The following COG7 variants were observed in gnomAD, a reference collection of about 807,000 sequenced individuals.
COG7 encodes conserved oligomeric Golgi complex subunit 7.
In COG7, 49 loss-of-function variants were observed where a neutral mutation model predicts 91.5. The observed-to-expected ratio is 0.54, with a 90% CI of 0.43 to 0.68. The LOEUF (loss-of-function observed/expected upper bound fraction) is 0.68, where lower values mean the gene tolerates loss of function less well. Ranked by LOEUF, COG7 falls within the 30% of genes least tolerant of loss-of-function variation. The pLI, the probability that COG7 is intolerant of heterozygous loss-of-function variation, is 0.00. For synonymous variants in COG7, 365 were observed against 388.7 expected, an observed-to-expected ratio of 0.94 and a Z score of 0.72; for missense variants, 895 against 961.3, an observed-to-expected ratio of 0.93 and a Z score of 0.91.
intron 8 of COG7, among the ~76,000 whole-genome samples, chr16:23,418,097 T>C (rs947876718): frequency 2.6e-5 from 4 of 152,248 alleles, no homozygotes; most frequent in Admixed American, 6.5e-5. Context: ...TTTGCATGTC[T>C]TCCTTAAACA....
At chr16:23,410,527 C>T (rs1034426957) in intron 10 of COG7, among the ~76,000 whole-genome samples, 167 bp from the exon 11 acceptor site, 1 of 152,118 alleles carries the variant, frequency 6.6e-6, no homozygotes, top group Non-Finnish European at 1.5e-5. Context: ...ATTCATTAGT[C>T]ATTAATGTAA....
chr16:23,451,692 T>C (rs1370239050), intron 1 of COG7, among the ~76,000 whole-genome samples: 1 of 147,480 alleles, frequency 6.8e-6, no homozygotes, highest in Non-Finnish European at 1.5e-5. Flanking sequence ...GCATTCCAGC[T>C]TGGGCAGCAG....
At chr16:23,402,997 CTGGAATCCA>C (rs1963402649) in intron 13 of COG7, among the ~76,000 whole-genome samples, 1 of 152,228 alleles carries the variant, frequency 6.6e-6, no homozygotes, top group African/African-American at 2.4e-5. Flanking sequence ...AGGCCCATAA[CTGGAATCCA>C]AATGGCCCTG....
At position 23,410,299 on chromosome 16, in the gene COG7, T is replaced by A; in HGVS notation, c.1471A>T (p.Asn491Tyr). ...HCGDFEQQLA[N>Y]RILSTAGKYL... ...ACAATGACTCCTCTCTCCTACCTGT[T>A]GGCTAGCTGCTGCTCGAAGTCCCCA... Residue 491 changes from asparagine to tyrosine, a missense_variant, in exon 11 of 17, where the codon AAC (asparagine) becomes TAC (tyrosine). By Grantham distance (143) the Asn-to-Tyr change is moderately radical. Coordinates refer to ENST00000307149, the MANE Select transcript of COG7 (RefSeq NM_153603.4). 6.2e-7 allele frequency: 1 copy of A among 1,613,946 alleles called. No homozygotes were observed. The highest frequency in any genetic ancestry group is 1.1e-5 in the South Asian group (1 of 91,010).
intron 7 of COG7, among the ~76,000 whole-genome samples, chr16:23,420,682 T>C (rs1333105767): frequency 6.6e-6 from 1 of 152,230 alleles, no homozygotes; most frequent in Admixed American, 6.5e-5. Flanking sequence ...AATGTGGGTC[T>C]AACATGGTAA....
intron 16 of COG7, 165 bp downstream of exon 16, chr16:23,392,215 T>C: frequency 6.6e-7 from 1 of 1,507,322 alleles, no homozygotes; most frequent in Non-Finnish European, 8.9e-7. Flanking sequence ...TCAGAATCTC[T>C]GGGGCAGGGC....
chr16:23,448,833 C>A (rs1041722342), intron 1 of COG7, among the ~76,000 whole-genome samples: 2 of 152,186 alleles, frequency 1.3e-5, no homozygotes, highest in Non-Finnish European at 2.9e-5. Context: ...CTCTCAACCT[C>A]AGTTTCTACA....
intron 7 of COG7, among the ~76,000 whole-genome samples, chr16:23,420,878 G>GT (rs1217204254): frequency 6.7e-6 from 1 of 149,398 alleles, no homozygotes; most frequent in Non-Finnish European, 1.5e-5. Context: ...TGAGTAGCTA[G>GT]TACTACAGGT....
rs1963142880 is a variant in COG7 at position 23,389,032 on chromosome 16, T to G, written c.2201A>C (p.Gln734Pro). 6.2e-7 allele frequency: 1 copy of G among 1,614,004 alleles called. No individual in the cohort carries two copies. Among genetic ancestry groups the G allele is most frequent in the African/African-American group, 1.3e-5 (1 of 74,922 alleles). Residue 734 changes from glutamine (Q) to proline (P), a missense_variant, in exon 17 of 17, where the codon CAG (glutamine) becomes CCG (proline). Coordinates refer to ENST00000307149, the MANE Select transcript of COG7 (RefSeq NM_153603.4). ...ALGLQPSRTL[Q>P]HIVTLLKTRP... ...GGTCTTCAGTAGCGTCACGATGTGC[T>G]GGAGGGTGCGGGACGGCTGCAGGCC...
intron 13 of COG7, among the ~76,000 whole-genome samples, chr16:23,401,388 C>T (rs1257392641): frequency 2.6e-5 from 4 of 152,146 alleles, no homozygotes; most frequent in Admixed American, 6.5e-5. Context: ...GCCAAGCACC[C>T]AGGAACTCCA....
Position 23,391,912 on chromosome 16 carries a change from T to A in COG7, c.2146+468A>T, listed in dbSNP as rs945060584. 16 of 826,888 alleles carry A rather than the reference T, an allele frequency of 1.9e-5. No individual in the cohort carries two copies. The Admixed American group carries it at 2.3e-4, about 12-fold the overall frequency. 51.2% of individuals were successfully genotyped at this position (826,888 alleles called of 1,614,324 possible). A position where few individuals can be genotyped will look rare whatever the true frequency, so the allele number is the denominator to read the frequency against. Reference sequence around the variant, plus strand: ...TGGCCACATGGCCTTGTTATGGAACTGCCCTGGGCCTCCGTTCCCTATCGG... The same window carrying A: ...TGGCCACATGGCCTTGTTATGGAACAGCCCTGGGCCTCCGTTCCCTATCGG... On this transcript the variant is annotated intron_variant, in intron 16 of 16. Coordinates refer to ENST00000307149, the MANE Select transcript of COG7 (RefSeq NM_153603.4).
At chr16:23,403,883 C>G in intron 12 of COG7, 49 bp from the exon 13 acceptor site, 3 of 1,611,504 alleles carry the variant, frequency 1.9e-6, no homozygotes, top group Non-Finnish European at 2.5e-6. Flanking sequence ...AAACCCAACC[C>G]AAGTATTAGC....
intron 14 of COG7, chr16:23,393,598 C>A (rs932649711): frequency 4.2e-5 from 22 of 518,758 alleles, no homozygotes; most frequent in Admixed American, 2.0e-4. Context: ...ATGCATTCAA[C>A]ACAATCTCTA....
At chr16:23,433,709 C>A (rs1371821356) in intron 5 of COG7, 42 bp from the exon 6 acceptor site, 1 of 1,611,818 alleles carries the variant, frequency 6.2e-7, no homozygotes, top group East Asian at 2.2e-5. Flanking sequence ...GGTACGTCAA[C>A]ATAGGTTGCC....
At chr16:23,452,493 G>A (rs899633282) in intron 1 of COG7, among the ~76,000 whole-genome samples, 1 of 152,152 alleles carries the variant, frequency 6.6e-6, no homozygotes, top group African/African-American at 2.4e-5. Context: ...CTTGAGTGCA[G>A]GAGTTCGAGG....
chr16:23,400,836 G>T (rs1963362771), intron 13 of COG7, among the ~76,000 whole-genome samples: 2 of 152,062 alleles, frequency 1.3e-5, no homozygotes, highest in South Asian at 4.2e-4. Flanking sequence ...CGGGTGTGGT[G>T]ACGCTTGCCT....
rs1192597902 is a variant in COG7, at chr16:23,392,464, C to A, written c.2062G>T (p.Ala688Ser). The change falls in exon 16 of 17, where the codon GCC becomes TCC. Residue 688 changes from alanine to serine, a missense_variant. By Grantham distance (99) the Ala-to-Ser change is moderately conservative. Coordinates refer to ENST00000307149, the MANE Select transcript of COG7 (RefSeq NM_153603.4). Reference sequence around the variant, plus strand: ...GCATCACAGTAGGTCTGCATTGTGGCTCTGGCGATCGAGCCCAGCCAGTTG... The same window carrying A: ...GCATCACAGTAGGTCTGCATTGTGGATCTGGCGATCGAGCCCAGCCAGTTG... Reference protein sequence around the residue: ...ADNWLGSIARATMQTYCDAIL... With the variant: ...ADNWLGSIARSTMQTYCDAIL... The A allele has an allele frequency of 1.2e-6, 2 of 1,614,216 alleles. No homozygotes were observed. The highest frequency in any genetic ancestry group is 2.7e-5 in the African/African-American group (2 of 75,040).
At chr16:23,399,726 G>A (rs1243032251) in intron 13 of COG7, among the ~76,000 whole-genome samples, 2 of 152,122 alleles carry the variant, frequency 1.3e-5, no homozygotes, top group Non-Finnish European at 2.9e-5. Flanking sequence ...AGAGGCTGGA[G>A]GGAGAAGGCA....
Position 23,426,834 on chromosome 16 carries a change from AAAAGAAAG to A in COG7, c.811-1895_811-1888del, listed in dbSNP as rs1227960398. On this transcript the variant is annotated intron_variant, in intron 6 of 16. Coordinates refer to ENST00000307149, the MANE Select transcript of COG7 (RefSeq NM_153603.4). ...GCAATTGGACAAAAAAAAAAAAAAA[AAAAGAAAG>A]AAAGAAAGAAAGAAAGAAAAGGCAT... Among the ~76,000 whole-genome samples, 566 of 145,976 alleles carry A rather than the reference AAAAGAAAG, an allele frequency of 3.9e-3. 4 individuals carry two copies. Among genetic ancestry groups the A allele is most frequent in the East Asian group, 6.7e-3 (33 of 4,936 alleles).
Sources: gnomAD v4.1 joint callset for allele counts (sites outside exome capture counted in the v4.1 genomes callset) on GRCh38, gnomAD v4.1.1 for gene constraint, MANE v1.5 for transcripts, NCBI Gene and HGNC (gene_info 2026-07-23, HGNC 2026-07-21) for gene names.